The following SEC31A variants were observed in gnomAD, a reference collection of about 807,000 sequenced individuals.
The protein encoded by SEC31A is SEC31 homolog A, COPII component, also known as protein transport protein Sec31A.
Under a neutral mutation model 151.0 loss-of-function variants are expected in SEC31A, and 70 were observed. The ratio of observed to expected loss-of-function variants is 0.46; its 90% CI spans 0.38 to 0.57. The LOEUF (loss-of-function observed/expected upper bound fraction) is 0.57. Ranked by LOEUF, SEC31A falls within the 20% of genes least tolerant of loss-of-function variation. The pLI, the probability that SEC31A is intolerant of heterozygous loss-of-function variation, is 0.00. For synonymous variants in SEC31A, 475 were observed against 505.9 expected, an observed-to-expected ratio of 0.94 and a Z score of 0.82; for missense variants, 1,330 against 1,471.2, an observed-to-expected ratio of 0.90 and a Z score of 1.57.
chr4:82,878,863 A>G lies in SEC31A; in HGVS notation c.269T>C (p.Ile90Thr), dbSNP rs199535593. 19 of 1,613,972 alleles carry G rather than the reference A, an allele frequency of 1.2e-5. No homozygotes were observed. The highest frequency in any genetic ancestry group is 1.7e-5 in the Admixed American group (1 of 60,000). The change falls in exon 4 of 27, where the codon ATT (isoleucine) becomes ACT (threonine). Residue 90 changes from isoleucine (I) to threonine (T), a missense_variant. Transcript: ENST00000395310. ...DSKGDVSGVL[I>T]AGGENGNIIL... ...AATATTTCCATTTTCACCACCTGCA[A>G]TCAGAACTCCAGAGACATCTCCTTT...
chr4:82,830,142 C>A (rs1725588304), intron 22 of SEC31A, among the ~76,000 whole-genome samples: 1 of 152,190 alleles, frequency 6.6e-6, no homozygotes, highest in African/African-American at 2.4e-5. Context: ...CTTCAACTAA[C>A]CACCAGCGCT....
intron 22 of SEC31A, chr4:82,831,199 A>T (rs969182891): frequency 6.3e-5 from 10 of 158,444 alleles, no homozygotes; most frequent in African/African-American, 9.6e-5. Context: ...GTTAGATCCA[A>T]TTAACTCTTA....
rs2148998731 is a variant in SEC31A at position 82,827,459 on chromosome 4, C to T, written c.3201G>A (p.Gln1067=). The T allele has an allele frequency of 1.2e-6, 2 of 1,614,184 alleles. No individual in the cohort carries two copies. Among genetic ancestry groups the T allele is most frequent in the Non-Finnish European group, 8.5e-7 (1 of 1,180,030 alleles). The stretch of plus-strand genomic sequence containing the variant: ...GCATGCCTGTTTGACCAAGAGGTTG[C>T]TGTACGCCATGGAAGGGCTGGCCAC... The part of the protein sequence containing the change: ...LPGGQPFHGV[Q]QPLGQTGMPP... Residue 1067 remains glutamine, a synonymous_variant, in exon 24 of 27, where the codon CAG becomes CAA. Coordinates refer to ENST00000395310, the MANE Select transcript of SEC31A (RefSeq NM_001077207.4).
At chr4:82,850,188 C>G (rs866535301) in intron 19 of SEC31A, among the ~76,000 whole-genome samples, 1 of 151,272 alleles carries the variant, frequency 6.6e-6, no homozygotes, top group African/African-American at 2.4e-5. Context: ...ATGAATTAAG[C>G]TAGATGAGCT....
intron 23 of SEC31A, among the ~76,000 whole-genome samples, chr4:82,828,460 G>A (rs1303922721): frequency 5.9e-5 from 9 of 151,852 alleles, no homozygotes; most frequent in Non-Finnish European, 1.3e-4. Flanking sequence ...GTATAGTTGG[G>A]GAAAGAGGTC....
At chr4:82,868,116 C>G (rs892284974) in intron 8 of SEC31A, among the ~76,000 whole-genome samples, 1 of 152,208 alleles carries the variant, frequency 6.6e-6, no homozygotes, top group Non-Finnish European at 1.5e-5. Flanking sequence ...GTACTATACA[C>G]AACCTTCCTA....
intron 2 of SEC31A, 127 bp downstream of exon 2, chr4:82,881,731 A>T: frequency 1.4e-6 from 1 of 702,000 alleles, no homozygotes. Context: ...AACTTGGCTG[A>T]TAGAATGTCA....
rs778044890 is a variant in SEC31A, at chr4:82,867,202, T to C, written c.997A>G (p.Ile333Val). 6 of 1,613,884 alleles carry C rather than the reference T, an allele frequency of 3.7e-6. No homozygotes were observed. Among genetic ancestry groups the C allele is most frequent in the Admixed American group, 1.7e-5 (1 of 60,002 alleles). ...SFDGRISVYSIMGGSTDGLRQ... is the reference protein window; with the variant it reads ...SFDGRISVYSVMGGSTDGLRQ... ...AAACCATCTGTGCTACCTCCCATGA[T>C]AGAATAAACACTGATACGCCCATCA... is the stretch of plus-strand genomic sequence containing the variant. Residue 333 changes from isoleucine (I) to valine (V), a missense_variant, in exon 9 of 27, where the codon ATC becomes GTC. By Grantham distance (29) the Ile-to-Val change is conservative. Coordinates refer to ENST00000395310, the MANE Select transcript of SEC31A (RefSeq NM_001077207.4).
intron 15 of SEC31A, among the ~76,000 whole-genome samples, chr4:82,857,474 T>C (rs930047076): frequency 1.3e-5 from 2 of 152,174 alleles, no homozygotes; most frequent in Admixed American, 6.5e-5. Flanking sequence ...CCACCTGTGA[T>C]AAAACTTTTT....
chr4:82,890,728 C>T (rs1466317), intron 1 of SEC31A: 1,086,061 of 1,097,250 alleles, frequency 0.99, 538,299 homozygotes, highest in East Asian at 1. Flanking sequence ...TTTTTTTCCT[C>T]TCCTCACCCT....
chr4:82,886,628 C>G (rs1740775020), intron 1 of SEC31A, among the ~76,000 whole-genome samples: 1 of 152,200 alleles, frequency 6.6e-6, no homozygotes, highest in Non-Finnish European at 1.5e-5. Context: ...TCTTCTTCCT[C>G]TTTGCCAACT....
intron 1 of SEC31A, among the ~76,000 whole-genome samples, chr4:82,883,927 T>A (rs564321200): frequency 6.6e-6 from 1 of 152,022 alleles, no homozygotes; most frequent in African/African-American, 2.4e-5. Context: ...GTAAACATAT[T>A]TCCTTTTCTG....
intron 10 of SEC31A, 140 bp downstream of exon 10, chr4:82,866,668 T>G (rs957892376): frequency 4.1e-6 from 3 of 730,298 alleles, no homozygotes; most frequent in African/African-American, 3.6e-5. Flanking sequence ...AGAGAAACCA[T>G]TTTGAATGAT....
Position 82,848,947 on chromosome 4 carries a change from A to G in SEC31A, c.2359T>C (p.Cys787Arg), listed in dbSNP as rs748581886. ...PNIMQLRDRLCRAQGEPVAGH... is the reference protein window; with the variant it reads ...PNIMQLRDRLRRAQGEPVAGH... The stretch of plus-strand genomic sequence containing the variant: ...GCTACAGGCTCTCCTTGTGCTCTAC[A>G]AAGTCTGTCACGAAGCTGCATGATA... The change falls in exon 20 of 27, where the codon TGT becomes CGT. Residue 787 changes from cysteine to arginine, a missense_variant. Coordinates refer to ENST00000395310, the MANE Select transcript of SEC31A (RefSeq NM_001077207.4). 6 of 1,613,582 alleles carry G rather than the reference A, an allele frequency of 3.7e-6. No homozygotes were observed. The highest frequency in any genetic ancestry group is 3.4e-6 in the Non-Finnish European group (4 of 1,179,882).
At chr4:82,845,420 A>G (rs915928337) in intron 20 of SEC31A, 12 of 479,070 alleles carry the variant, frequency 2.5e-5, no homozygotes, top group South Asian at 4.6e-5. Flanking sequence ...GATAACATAC[A>G]TTAGTCAGGC....
intron 6 of SEC31A, 148 bp downstream of exon 6, chr4:82,874,463 A>C (rs1374900124): frequency 1.5e-5 from 11 of 718,964 alleles, no homozygotes; most frequent in Admixed American, 3.8e-5. Flanking sequence ...AGGAAAAAAA[A>C]CAAAACATTC....
At chr4:82,845,054 T>C in intron 20 of SEC31A, 2 of 527,096 alleles carry the variant, frequency 3.8e-6, no homozygotes, top group Non-Finnish European at 6.6e-6. Flanking sequence ...AAACTGCTTC[T>C]TGCATCCTAA....
chr4:82,829,763 C>G (rs185280773), intron 22 of SEC31A, among the ~76,000 whole-genome samples: 1 of 151,870 alleles, frequency 6.6e-6, no homozygotes, highest in African/African-American at 2.4e-5. Context: ...AACACATGCA[C>G]ACTAACAAAT....
chr4:82,824,369 A>C (rs1724072240), intron 25 of SEC31A, among the ~76,000 whole-genome samples, 186 bp downstream of exon 25: 1 of 152,072 alleles, frequency 6.6e-6, no homozygotes, highest in Admixed American at 6.6e-5. Flanking sequence ...ACACACAGCT[A>C]ATTTTTTGTA....
Sources: allele counts gnomAD v4.1 joint callset (sites outside exome capture counted in the v4.1 genomes callset), GRCh38; gene constraint gnomAD v4.1.1; transcripts MANE v1.5; gene names NCBI Gene and HGNC (gene_info 2026-07-23, HGNC 2026-07-21).